PLCE1: variants seen among roughly 807,000 people sequenced by gnomAD.
PLCE1 encodes 1-phosphatidylinositol 4,5-bisphosphate phosphodiesterase epsilon-1.
A neutral mutation model predicts 242.8 loss-of-function variants in PLCE1; 119 were observed. The observed-to-expected ratio is 0.49, with a 90% CI of 0.42 to 0.57. PLCE1 has a LOEUF of 0.57. Ranked by LOEUF, PLCE1 falls within the 20% of genes least tolerant of loss-of-function variation. The probability of loss-of-function intolerance (pLI) is 0.00; values close to 1 mark genes in which losing one functional copy is unlikely to be tolerated. For synonymous variants in PLCE1, 945 were observed against 1,017.4 expected, an observed-to-expected ratio of 0.93 and a Z score of 1.35; for missense variants, 2,441 against 2,788.8, an observed-to-expected ratio of 0.88 and a Z score of 2.81.
rs116018565 is a variant in PLCE1 at position 94,129,152 on chromosome 10, G to A, written c.1207-3022G>A. Among the ~76,000 whole-genome samples the A allele has an allele frequency of 9.8e-3, 1,497 of 152,274 alleles. 30 individuals carry two copies. Among genetic ancestry groups the A allele is most frequent in the African/African-American group, 0.034 (1,395 of 41,538 alleles). Reference sequence around the variant, plus strand: ...TGGAAGGGGAGATGCAGAATAAGGCGGAGATGGAACAATGAGATGACAAGA... The same window carrying A: ...TGGAAGGGGAGATGCAGAATAAGGCAGAGATGGAACAATGAGATGACAAGA... On this transcript the variant is annotated intron_variant, in intron 2 of 32. Transcript: ENST00000371380.
chr10:94,053,629 T>C, intron 2 of PLCE1, among the ~76,000 whole-genome samples: 1 of 152,194 alleles, frequency 6.6e-6, no homozygotes, highest in East Asian at 1.9e-4. Flanking sequence ...TTGAATGCAC[T>C]GGGAAGTTAT....
intron 2 of PLCE1, among the ~76,000 whole-genome samples, chr10:94,085,944 A>G (rs2044807914): frequency 6.6e-6 from 1 of 152,212 alleles, no homozygotes; most frequent in African/African-American, 2.4e-5. Context: ...TTAAAAAACA[A>G]ATAATCGAGA....
At chr10:94,271,772 A>G (rs1484935704) in intron 18 of PLCE1, among the ~76,000 whole-genome samples, 2 of 152,238 alleles carry the variant, frequency 1.3e-5, no homozygotes, top group East Asian at 3.9e-4. Context: ...GGTTCTTTCT[A>G]TTTTCCCTAA....
rs967169206 is a variant in PLCE1 at position 94,031,790 on chromosome 10, T to C, written c.744T>C (p.Asn248=). Residue 248 remains asparagine (N), a synonymous_variant, in exon 2 of 33, where the codon AAT becomes AAC. Coordinates refer to ENST00000371380, the MANE Select transcript of PLCE1 (RefSeq NM_016341.4). ...MELAKNCDNK[N]EQLQCDHCDT... ...TGGCCAAAAATTGTGATAATAAGAA[T>C]GAGCAGCTGCAGTGTGATCATTGTG... 3.1e-6 allele frequency: 5 copies of C among 1,613,626 alleles called. No individual in the cohort carries two copies. In the African/African-American group the frequency reaches 5.3e-5, roughly 17 times the overall value.
intron 2 of PLCE1, among the ~76,000 whole-genome samples, chr10:94,093,024 C>T (rs1476851922): frequency 6.6e-6 from 1 of 152,124 alleles, no homozygotes; most frequent in Non-Finnish European, 1.5e-5. Context: ...ATGTTCTAGA[C>T]TGAGTTGACA....
intron 22 of PLCE1, among the ~76,000 whole-genome samples, chr10:94,289,605 A>G (rs1265528174): frequency 6.6e-6 from 1 of 152,218 alleles, no homozygotes; most frequent in Non-Finnish European, 1.5e-5. Flanking sequence ...TGCACTGAAT[A>G]CGGTAGGTAA....
In PLCE1 at chr10:94,226,831, C is replaced by CTCTTTTTTTTTTT. The variant is rs67656949; in HGVS notation, c.1810-474_1810-473insCTTTTTTTTTTTT. 3.9e-5 allele frequency among the ~76,000 whole-genome samples: 4 copies of CTCTTTTTTTTTTT among 101,818 alleles called. 1 individual carries two copies. Among genetic ancestry groups the CTCTTTTTTTTTTT allele is most frequent in the African/African-American group, 3.9e-5 (1 of 25,880 alleles). 66.8% of individuals were successfully genotyped at this position (101,818 alleles called of 152,430 possible). A position where few individuals can be genotyped will look rare whatever the true frequency, so the allele number is the denominator to read the frequency against. On this transcript the variant is annotated intron_variant, in intron 4 of 32. Coordinates refer to ENST00000371380, the MANE Select transcript of PLCE1 (RefSeq NM_016341.4). ...TATAAGAGATTAAGGACCTATAGGTCTTTTTTTTTTTTTTTTTTTTTTTTT... is the reference window on the plus strand; with the variant it reads ...TATAAGAGATTAAGGACCTATAGGTCTCTTTTTTTTTTTTTTTTTTTTTTTTTTTTTTTTTTTT...
Position 94,236,103 on chromosome 10 carries a change from G to A in PLCE1, c.2403G>A (p.Lys801=). The part of the protein sequence containing the change: ...EGNSSRKSSL[K]DKSRWQFIIG... ...ACAGCTCCAGGAAAAGCTCCTTGAAGGATAAAAGCCGATGGCAGTAAGTTT... is the reference window on the plus strand; with the variant it reads ...ACAGCTCCAGGAAAAGCTCCTTGAAAGATAAAAGCCGATGGCAGTAAGTTT... Residue 801 remains lysine, a synonymous_variant, in exon 7 of 33, where the codon AAG becomes AAA. Transcript: ENST00000371380. 6.2e-7 allele frequency: 1 copy of A among 1,613,692 alleles called. No individual in the cohort carries two copies. Among genetic ancestry groups the A allele is most frequent in the Non-Finnish European group, 8.5e-7 (1 of 1,179,850 alleles).
intron 28 of PLCE1, chr10:94,315,376 C>G: frequency 2.2e-6 from 1 of 455,894 alleles, no homozygotes; most frequent in Non-Finnish European, 4.4e-6. Flanking sequence ...TCTCTCATCA[C>G]CAAGCTACTT....
chr10:94,204,813 T>A (rs2049106117), intron 4 of PLCE1, among the ~76,000 whole-genome samples: 1 of 141,502 alleles, frequency 7.1e-6, no homozygotes. Context: ...CAAAATAATG[T>A]GTGCTGTAGA....
chr10:94,154,769 TG>T (rs1216732901), intron 3 of PLCE1, among the ~76,000 whole-genome samples: 1 of 151,804 alleles, frequency 6.6e-6, no homozygotes, highest in African/African-American at 2.4e-5. Context: ...ACGGGCATGG[TG>T]ACTCACGCCT....
At chr10:94,255,361 A>G (rs1005561801) in intron 11 of PLCE1, among the ~76,000 whole-genome samples, 3 of 152,232 alleles carry the variant, frequency 2.0e-5, no homozygotes, top group Non-Finnish European at 2.9e-5. Flanking sequence ...AATTAAAATT[A>G]AAGAAAATTT....
intron 4 of PLCE1, among the ~76,000 whole-genome samples, chr10:94,188,037 A>G (rs188049516): frequency 8.6e-5 from 13 of 152,014 alleles, no homozygotes; most frequent in African/African-American, 2.4e-5. Flanking sequence ...CACAGCTACC[A>G]TGAGGTCCCA....
chr10:94,259,964 T>C (rs892951202), intron 13 of PLCE1, among the ~76,000 whole-genome samples: 3 of 152,146 alleles, frequency 2.0e-5, no homozygotes, highest in African/African-American at 7.2e-5. Context: ...TTATTCACTA[T>C]CATGAGAACA....
At chr10:94,042,136 C>G (rs1370271942) in intron 2 of PLCE1, among the ~76,000 whole-genome samples, 1 of 151,974 alleles carries the variant, frequency 6.6e-6, no homozygotes, top group Non-Finnish European at 1.5e-5. Context: ...AAATCCTGAC[C>G]CTGAGTTTCA....
intron 1 of PLCE1, among the ~76,000 whole-genome samples, chr10:94,025,922 G>A (rs571549640): frequency 3.9e-5 from 6 of 152,042 alleles, no homozygotes; most frequent in African/African-American, 7.2e-5. Context: ...AAATATTTTC[G>A]GCTTTGTAGA....
chr10:94,060,844 A>G (rs542443943), intron 2 of PLCE1, among the ~76,000 whole-genome samples: 2 of 151,894 alleles, frequency 1.3e-5, no homozygotes, highest in Admixed American at 6.6e-5. Flanking sequence ...CTACAGGCGC[A>G]TGTCACCACA....
intron 1 of PLCE1, among the ~76,000 whole-genome samples, chr10:94,019,157 T>G (rs2061331478): frequency 6.6e-6 from 1 of 152,170 alleles, no homozygotes; most frequent in East Asian, 1.9e-4. Flanking sequence ...GTTGAGTTAT[T>G]TAAGATAAAC....
intron 11 of PLCE1, among the ~76,000 whole-genome samples, chr10:94,256,702 T>G (rs962929506): frequency 2.0e-5 from 3 of 152,008 alleles, no homozygotes. Flanking sequence ...AAGGACGAAG[T>G]AAGGGAGGAA....
Sources: gnomAD v4.1 joint callset for allele counts (sites outside exome capture counted in the v4.1 genomes callset) on GRCh38, gnomAD v4.1.1 for gene constraint, MANE v1.5 for transcripts, NCBI Gene and HGNC (gene_info 2026-07-23, HGNC 2026-07-21) for gene names.